The following PTPRT variants were observed in gnomAD, a reference collection of about 807,000 sequenced individuals.
PTPRT encodes the protein protein tyrosine phosphatase receptor type T.
In PTPRT, 56 loss-of-function variants were observed where a neutral mutation model predicts 176.8. The observed-to-expected ratio is 0.32, with a 90% CI of 0.26 to 0.40. The LOEUF (loss-of-function observed/expected upper bound fraction) is 0.40, where lower values mean the gene tolerates loss of function less well. Among genes scored for constraint, PTPRT ranks in the 10% least tolerant of loss-of-function variants. PTPRT has a pLI of 1.00. For synonymous variants in PTPRT, 783 were observed against 739.0 expected, an observed-to-expected ratio of 1.06 and a Z score of -0.96; for missense variants, 1,540 against 1,908.2, an observed-to-expected ratio of 0.81 and a Z score of 3.60.
chr20:42,114,793 G>A (rs182062137), intron 22 of PTPRT, among the ~76,000 whole-genome samples: 4 of 152,200 alleles, frequency 2.6e-5, no homozygotes, highest in Admixed American at 2.6e-4. Context: ...TTCCCCTCCA[G>A]ACTGCATGTT....
intron 9 of PTPRT, among the ~76,000 whole-genome samples, chr20:42,383,118 A>C (rs1282145130): frequency 6.6e-6 from 1 of 152,216 alleles, no homozygotes; most frequent in Non-Finnish European, 1.5e-5. Flanking sequence ...CACTCAATAC[A>C]TGTGAGCAAT....
At chr20:42,490,432 T>A (rs1341436111) in intron 7 of PTPRT, among the ~76,000 whole-genome samples, 1 of 152,164 alleles carries the variant, frequency 6.6e-6, no homozygotes, top group African/African-American at 2.4e-5. Context: ...TGAGATTTTA[T>A]ATATTCTTAG....
chr20:43,151,267 T>C (rs928333065), intron 1 of PTPRT, among the ~76,000 whole-genome samples: 2 of 148,408 alleles, frequency 1.3e-5, no homozygotes, highest in South Asian at 4.3e-4. Flanking sequence ...GATCGTGCCA[T>C]TGCACATTGC....
chr20:42,623,117 A>G (rs533502956), intron 7 of PTPRT, among the ~76,000 whole-genome samples: 3 of 152,148 alleles, frequency 2.0e-5, no homozygotes, highest in African/African-American at 7.2e-5. Flanking sequence ...CCACCACTCA[A>G]AAAGACCCCC....
At chr20:42,192,653 T>C (rs1209555730) in intron 16 of PTPRT, among the ~76,000 whole-genome samples, 1 of 152,230 alleles carries the variant, frequency 6.6e-6, no homozygotes, top group Non-Finnish European at 1.5e-5. Flanking sequence ...GAAAGGGTCC[T>C]GTGGCTCTTC....
intron 14 of PTPRT, among the ~76,000 whole-genome samples, chr20:42,247,849 T>C (rs993155498): frequency 3.9e-5 from 6 of 152,158 alleles, no homozygotes; most frequent in African/African-American, 1.4e-4. Flanking sequence ...GACTCTCTGT[T>C]TAGAGGAATA....
intron 1 of PTPRT, among the ~76,000 whole-genome samples, chr20:43,049,728 TG>T (rs918091528): frequency 6.6e-6 from 1 of 152,170 alleles, no homozygotes; most frequent in Admixed American, 6.5e-5. Context: ...TAAGCTTTCC[TG>T]GGGGCAACTG....
chr20:42,065,267 T>C, the PTPRT span, among the ~76,000 whole-genome samples: 2 of 148,774 alleles, frequency 1.3e-5, no homozygotes, highest in Non-Finnish European at 2.9e-5. Flanking sequence ...ACGGTAACTG[T>C]AACAATGATC....
rs1030200408 is a variant in PTPRT, at chr20:43,127,141, C to T, written c.88+62505G>A. On this transcript the variant is annotated intron_variant, in intron 1 of 30. Transcript: ENST00000373187. The stretch of plus-strand genomic sequence containing the variant: ...AAAAAAAATGCAACTCTAAACATGG[C>T]GGCCGGGCGCGGTGGCTCACACCTG... Among the ~76,000 whole-genome samples, 3 of 151,908 alleles carry T rather than the reference C, an allele frequency of 2.0e-5. No homozygotes were observed. In the East Asian group the frequency reaches 5.8e-4, roughly 29 times the overall value.
rs186974272 is a variant in PTPRT, at chr20:42,164,642, A to G, written c.2492-3100T>C. Among the ~76,000 whole-genome samples, 15 of 152,242 alleles carry G rather than the reference A, an allele frequency of 9.9e-5. No individual in the cohort carries two copies. In the South Asian group the frequency reaches 2.7e-3, roughly 27 times the overall value. On this transcript the variant is annotated intron_variant, in intron 16 of 30. Coordinates refer to ENST00000373187, the MANE Select transcript of PTPRT (RefSeq NM_007050.6). ...CCAGACGCACTATACTTAATTTTCC[A>G]TCGTTAGGTTTAATGAAAACCCAAT...
chr20:42,179,314 C>T (rs1173865009), intron 16 of PTPRT, among the ~76,000 whole-genome samples: 2 of 152,176 alleles, frequency 1.3e-5, no homozygotes, highest in Admixed American at 1.3e-4. Flanking sequence ...TTCATGAAAG[C>T]TTCTAAAGTA....
chr20:42,505,123 C>T (rs910131180), intron 7 of PTPRT, among the ~76,000 whole-genome samples: 2 of 152,122 alleles, frequency 1.3e-5, no homozygotes, highest in Non-Finnish European at 2.9e-5. Context: ...CCCAACCAAA[C>T]AAGTTAGCCA....
intron 1 of PTPRT, among the ~76,000 whole-genome samples, chr20:43,047,461 G>A (rs1986882815): frequency 6.6e-6 from 1 of 152,108 alleles, no homozygotes; most frequent in African/African-American, 2.4e-5. Flanking sequence ...GCTTAAGCAA[G>A]TAAAGTGTTT....
chr20:42,511,026 T>C (rs1365527863), intron 7 of PTPRT, among the ~76,000 whole-genome samples: 2 of 151,986 alleles, frequency 1.3e-5, no homozygotes, highest in Non-Finnish European at 2.9e-5. Flanking sequence ...GGGGTTATCA[T>C]GGGAAGGGAA....
At chr20:42,468,454 C>T (rs980556922) in intron 8 of PTPRT, among the ~76,000 whole-genome samples, 3 of 152,210 alleles carry the variant, frequency 2.0e-5, no homozygotes, top group Non-Finnish European at 4.4e-5. Flanking sequence ...GGTTTTGAGG[C>T]AGAGCCTCAG....
intron 1 of PTPRT, among the ~76,000 whole-genome samples, chr20:43,179,179 T>C (rs1183223411): frequency 2.6e-5 from 4 of 152,212 alleles, no homozygotes; most frequent in Non-Finnish European, 5.9e-5. Context: ...CACAGTTACC[T>C]TGAAAAGAAT....
chr20:42,266,955 A>C (rs1442900505), intron 13 of PTPRT, among the ~76,000 whole-genome samples: 2 of 152,202 alleles, frequency 1.3e-5, no homozygotes, highest in Non-Finnish European at 2.9e-5. Context: ...AAGACTTAGT[A>C]CAAAAAAAGA....
At chr20:42,899,452 G>A (rs1200791453) in intron 1 of PTPRT, among the ~76,000 whole-genome samples, 1 of 152,228 alleles carries the variant, frequency 6.6e-6, no homozygotes, top group Non-Finnish European at 1.5e-5. Flanking sequence ...CCTAGCACGT[G>A]ATGTGGCTGT....
Position 42,536,286 on chromosome 20 carries a change from C to T in PTPRT, c.1154-63724G>A, listed in dbSNP as rs531401805. ...TATACATTATCTCCTTTAATCCTTA[C>T]AGTAACACCATGAGAGAAATTTCCT... On this transcript the variant is annotated intron_variant, in intron 7 of 30. Transcript: ENST00000373187. Among the ~76,000 whole-genome samples, 9 of 152,294 alleles carry T rather than the reference C, an allele frequency of 5.9e-5. No individual in the cohort carries two copies. The East Asian group carries it at 1.2e-3, about 20-fold the overall frequency.
Sources: gnomAD v4.1 joint callset for allele counts (sites outside exome capture counted in the v4.1 genomes callset) on GRCh38, gnomAD v4.1.1 for gene constraint, MANE v1.5 for transcripts, NCBI Gene and HGNC (gene_info 2026-07-23, HGNC 2026-07-21) for gene names.